Variants in ARHGAP26 observed in about 807,000 individuals in gnomAD.
ARHGAP26 encodes Rho GTPase activating protein 26.
A neutral mutation model predicts 104.8 loss-of-function variants in ARHGAP26; 38 were observed. The observed-to-expected ratio is 0.36, with a 90% CI of 0.28 to 0.48. The LOEUF (loss-of-function observed/expected upper bound fraction) is 0.48. Ranked by LOEUF, ARHGAP26 falls within the 20% of genes least tolerant of loss-of-function variation. The pLI, the probability that ARHGAP26 is intolerant of heterozygous loss-of-function variation, is 0.99. For missense variants in ARHGAP26, 704 were observed against 947.9 expected (o/e 0.74, Z 3.38); for synonymous variants, 341 against 340.0 (o/e 1.00, Z -0.03).
At chr5:142,908,194 T>C (rs918510848) in intron 9 of ARHGAP26, among the ~76,000 whole-genome samples, 2 of 152,346 alleles carry the variant, frequency 1.3e-5, no homozygotes, top group South Asian at 2.1e-4. Flanking sequence ...TGGTTACCTA[T>C]TGCTGTGTAA....
chr5:142,931,538 A>G (rs1454300860), intron 10 of ARHGAP26, among the ~76,000 whole-genome samples: 1 of 152,184 alleles, frequency 6.6e-6, no homozygotes, highest in Non-Finnish European at 1.5e-5. Context: ...TACCAAGATG[A>G]TGACCACCAT....
chr5:143,159,728 A>G (rs1350899647), intron 20 of ARHGAP26, among the ~76,000 whole-genome samples: 2 of 152,196 alleles, frequency 1.3e-5, no homozygotes, highest in Non-Finnish European at 2.9e-5. Flanking sequence ...ATATGATACT[A>G]TTTTATATAA....
intron 20 of ARHGAP26, among the ~76,000 whole-genome samples, chr5:143,171,601 A>T (rs1802778992): frequency 6.6e-6 from 1 of 152,186 alleles, no homozygotes; most frequent in Non-Finnish European, 1.5e-5. Context: ...AACTTTAAAT[A>T]TGTTGCCAGA....
intron 17 of ARHGAP26, among the ~76,000 whole-genome samples, chr5:143,078,827 A>G (rs753865483): frequency 1.3e-5 from 2 of 152,218 alleles, no homozygotes; most frequent in African/African-American, 4.8e-5. Flanking sequence ...CTTTCTTAGC[A>G]TCTGAGCTCT....
At chr5:143,126,451 AG>A (rs1796738634) in intron 18 of ARHGAP26, among the ~76,000 whole-genome samples, 1 of 152,216 alleles carries the variant, frequency 6.6e-6, no homozygotes, top group Non-Finnish European at 1.5e-5. Flanking sequence ...TGATTATGTC[AG>A]CACTTTAGAA....
chr5:143,138,693 C>G (rs905808688), intron 19 of ARHGAP26, among the ~76,000 whole-genome samples: 1 of 152,116 alleles, frequency 6.6e-6, no homozygotes, highest in Non-Finnish European at 1.5e-5. Context: ...GACGTTTTCC[C>G]TAGAAATTGA....
intron 17 of ARHGAP26, among the ~76,000 whole-genome samples, chr5:143,106,179 C>G (rs996764962): frequency 6.6e-6 from 1 of 152,162 alleles, no homozygotes; most frequent in Non-Finnish European, 1.5e-5. Context: ...TGTGGTGTGG[C>G]TTTCTCCTTG....
chr5:142,930,247 G>A (rs756157413), intron 10 of ARHGAP26, among the ~76,000 whole-genome samples: 2 of 152,190 alleles, frequency 1.3e-5, no homozygotes, highest in Non-Finnish European at 2.9e-5. Flanking sequence ...GAGAAAGGTG[G>A]AAGGGTGGAA....
intron 19 of ARHGAP26, 62 bp downstream of exon 19, chr5:143,134,167 C>G: frequency 6.6e-7 from 1 of 1,507,156 alleles, no homozygotes; most frequent in East Asian, 2.4e-5. Flanking sequence ...ACCTGCACGG[C>G]TCAGGGTGGA....
intron 17 of ARHGAP26, among the ~76,000 whole-genome samples, chr5:143,110,088 G>A (rs943392710): frequency 3.9e-5 from 6 of 152,182 alleles, no homozygotes; most frequent in African/African-American, 1.4e-4. Context: ...CTTCCCAGAT[G>A]TCCTCATGGC....
intron 17 of ARHGAP26, among the ~76,000 whole-genome samples, chr5:143,072,919 G>A (rs1021794673): frequency 6.6e-6 from 1 of 152,092 alleles, no homozygotes; most frequent in East Asian, 1.9e-4. Flanking sequence ...CATTAACAAT[G>A]AATGTTTGAG....
At chr5:143,074,408 C>G (rs1788699703) in intron 17 of ARHGAP26, among the ~76,000 whole-genome samples, 1 of 152,176 alleles carries the variant, frequency 6.6e-6, no homozygotes, top group African/African-American at 2.4e-5. Context: ...ATTAATCTCT[C>G]TGCCCAGGTC....
At chr5:142,910,076 A>G (rs1761631222) in intron 9 of ARHGAP26, among the ~76,000 whole-genome samples, 1 of 152,206 alleles carries the variant, frequency 6.6e-6, no homozygotes, top group Non-Finnish European at 1.5e-5. Context: ...AATGGGTGCT[A>G]TATTAGGACC....
chr5:142,847,636 C>T (rs1422578190), intron 1 of ARHGAP26, among the ~76,000 whole-genome samples: 3 of 152,192 alleles, frequency 2.0e-5, no homozygotes, highest in Admixed American at 6.5e-5. Flanking sequence ...GGATTATAGG[C>T]GTGAGCCACC....
intron 20 of ARHGAP26, among the ~76,000 whole-genome samples, chr5:143,172,684 T>C (rs1802945941): frequency 6.6e-6 from 1 of 152,216 alleles, no homozygotes; most frequent in Admixed American, 6.5e-5. Context: ...AAGGTTGTTT[T>C]TACTATGGTG....
At chr5:142,879,783 A>T (rs1018111680) in intron 4 of ARHGAP26, among the ~76,000 whole-genome samples, 1 of 152,218 alleles carries the variant, frequency 6.6e-6, no homozygotes, top group African/African-American at 2.4e-5. Context: ...TCTTTATTGA[A>T]CAATACATTT....
At chr5:142,839,708 A>G (rs975662089) in intron 1 of ARHGAP26, among the ~76,000 whole-genome samples, 3 of 152,174 alleles carry the variant, frequency 2.0e-5, no homozygotes, top group Non-Finnish European at 2.9e-5. Flanking sequence ...GGCAAAAACA[A>G]TTTGTTCGAA....
chr5:142,971,108 A>C (rs1292498459), intron 11 of ARHGAP26, among the ~76,000 whole-genome samples: 1 of 152,134 alleles, frequency 6.6e-6, no homozygotes, highest in Non-Finnish European at 1.5e-5. Flanking sequence ...TTTTTTTCAG[A>C]GATGTCCATT....
intron 1 of ARHGAP26, among the ~76,000 whole-genome samples, chr5:142,850,161 C>G (rs1321501020): frequency 6.6e-6 from 1 of 152,132 alleles, no homozygotes; most frequent in Non-Finnish European, 1.5e-5. Context: ...ATGGCTTGTC[C>G]CCTTCTTTTG....
Sources: gnomAD v4.1 joint callset for allele counts (sites outside exome capture counted in the v4.1 genomes callset) on GRCh38, gnomAD v4.1.1 for gene constraint, MANE v1.5 for transcripts, NCBI Gene and HGNC (gene_info 2026-07-23, HGNC 2026-07-21) for gene names.